CSMD1: variants seen among roughly 807,000 people sequenced by gnomAD.
The protein encoded by CSMD1 is CUB and sushi domain-containing protein 1.
A neutral mutation model predicts 417.5 loss-of-function variants in CSMD1; 213 were observed. The observed-to-expected ratio is 0.51, with a 90% CI of 0.46 to 0.57. The LOEUF (loss-of-function observed/expected upper bound fraction) is 0.57, where lower values mean the gene tolerates loss of function less well. Among genes scored for constraint, CSMD1 ranks in the 20% least tolerant of loss-of-function variants. The probability of loss-of-function intolerance (pLI) is 0.00; values close to 1 mark genes in which losing one functional copy is unlikely to be tolerated. For missense variants in CSMD1, 6,923 were observed against 4,529.7 expected (o/e 1.53, Z -15.17); for synonymous variants, 2,862 against 1,736.8 (o/e 1.65, Z -16.11).
intron 1 of CSMD1, among the ~76,000 whole-genome samples, chr8:4,684,379 C>G (rs981544869): frequency 3.9e-5 from 6 of 152,196 alleles, no homozygotes; most frequent in Admixed American, 3.3e-4. Context: ...TATGAAGAAA[C>G]TTACTCATCA....
At chr8:4,027,966 T>A (rs902018151) in intron 4 of CSMD1, among the ~76,000 whole-genome samples, 1 of 152,158 alleles carries the variant, frequency 6.6e-6, no homozygotes, top group Non-Finnish European at 1.5e-5. Context: ...ATATTTAGGA[T>A]GCCCAATGGC....
At chr8:4,122,621 G>A (rs62503581) in intron 3 of CSMD1, among the ~76,000 whole-genome samples, 173 of 152,254 alleles carry the variant, frequency 1.1e-3, no homozygotes, top group Non-Finnish European at 1.8e-3. Context: ...AGATGGAGGT[G>A]ATAAGCCTCC....
In CSMD1 at chr8:4,266,602, A is replaced by G. The variant is rs1368668261; in HGVS notation, c.415+153351T>C. 3.8e-5 allele frequency among the ~76,000 whole-genome samples: 4 copies of G among 105,032 alleles called. 1 individual carries two copies. The highest frequency in any genetic ancestry group is 1.0e-4 in the Non-Finnish European group (4 of 38,948). 68.9% of individuals were successfully genotyped at this position (105,032 alleles called of 152,430 possible). A position where few individuals can be genotyped will look rare whatever the true frequency, so the allele number is the denominator to read the frequency against. ...TACACCATACAGGTATGTCCCCACT[A>G]ATGGCGTAAAGTGACCTGTCCTGCA... On this transcript the variant is annotated intron_variant, in intron 3 of 69. Coordinates refer to ENST00000635120, the MANE Select transcript of CSMD1 (RefSeq NM_033225.6).
At chr8:4,261,473 TG>T (rs1803876996) in intron 3 of CSMD1, among the ~76,000 whole-genome samples, 1 of 152,208 alleles carries the variant, frequency 6.6e-6, no homozygotes, top group Admixed American at 6.6e-5. Flanking sequence ...GCATCAGCCC[TG>T]GGATCTAATG....
intron 7 of CSMD1, among the ~76,000 whole-genome samples, chr8:3,631,877 A>G (rs1796800748): frequency 6.6e-6 from 1 of 152,172 alleles, no homozygotes; most frequent in Non-Finnish European, 1.5e-5. Context: ...TGGTCCAAAG[A>G]TAACCTGACT....
intron 50 of CSMD1, among the ~76,000 whole-genome samples, chr8:3,046,681 C>G (rs1455239822): frequency 6.6e-6 from 1 of 152,112 alleles, no homozygotes; most frequent in Non-Finnish European, 1.5e-5. Context: ...CCCAAAGCAC[C>G]GGTGTCTAAT....
chr8:4,852,471 A>T (rs939973668), intron 1 of CSMD1, among the ~76,000 whole-genome samples: 1 of 152,074 alleles, frequency 6.6e-6, no homozygotes, highest in Non-Finnish European at 1.5e-5. Context: ...ATGAGGCCTC[A>T]CCAGTTGAGG....
rs536781628 is a variant in CSMD1 at position 2,943,924 on chromosome 8, CA to C, written c.10403-1321del. On this transcript the variant is annotated intron_variant, in intron 68 of 69. Coordinates refer to ENST00000635120, the MANE Select transcript of CSMD1 (RefSeq NM_033225.6). ...TTTATTGTTTTATAAACCAGAAATG[CA>C]AAAAATCAATCAAATATTAAAAATC... Among the ~76,000 whole-genome samples, 703 of 152,112 alleles carry C rather than the reference CA, an allele frequency of 4.6e-3. 7 individuals carry two copies. The highest frequency in any genetic ancestry group is 0.034 in the Middle Eastern group (10 of 294).
At chr8:3,690,086 T>C (rs1179790369) in intron 7 of CSMD1, among the ~76,000 whole-genome samples, 1 of 152,152 alleles carries the variant, frequency 6.6e-6, no homozygotes, top group Non-Finnish European at 1.5e-5. Flanking sequence ...AGGCTGCGCG[T>C]AGTGGCCAAC....
At chr8:4,425,363 ATTC>A (rs1797487424) in intron 2 of CSMD1, among the ~76,000 whole-genome samples, 1 of 139,112 alleles carries the variant, frequency 7.2e-6, no homozygotes, top group African/African-American at 2.8e-5. Flanking sequence ...AAATGGATTC[ATTC>A]TTATTTGTGT....
intron 5 of CSMD1, among the ~76,000 whole-genome samples, chr8:3,990,665 T>C (rs943745889): frequency 8.5e-5 from 13 of 152,234 alleles, no homozygotes; most frequent in African/African-American, 2.7e-4. Context: ...TGCTCTAGAA[T>C]GCTATTTCTA....
intron 3 of CSMD1, among the ~76,000 whole-genome samples, chr8:4,246,042 T>C (rs1331275393): frequency 1.3e-5 from 2 of 152,182 alleles, no homozygotes; most frequent in African/African-American, 4.8e-5. Flanking sequence ...TTTTTAACTT[T>C]TAAGTTTAGT....
At position 3,246,058 on chromosome 8, in the gene CSMD1, C is replaced by T. The variant is rs190802145; in HGVS notation, c.4154-15827G>A. Reference sequence around the variant, plus strand: ...CTTGCCCGAACTTCCTTCTTGTCTACCCCCAGTGCAATCCATTCTCTGCAC... The same window carrying T: ...CTTGCCCGAACTTCCTTCTTGTCTATCCCCAGTGCAATCCATTCTCTGCAC... On this transcript the variant is annotated intron_variant, in intron 26 of 69. Transcript: ENST00000635120. Among the ~76,000 whole-genome samples the T allele has an allele frequency of 9.9e-5, 15 of 152,206 alleles. No homozygotes were observed. The East Asian group carries it at 2.9e-3, about 29-fold the overall frequency.
At chr8:4,377,162 G>A (rs968294082) in intron 3 of CSMD1, among the ~76,000 whole-genome samples, 1 of 152,088 alleles carries the variant, frequency 6.6e-6, no homozygotes, top group Non-Finnish European at 1.5e-5. Flanking sequence ...TTAAACAGTG[G>A]GATTATAGTG....
chr8:3,061,244 A>G (rs1812570336), intron 49 of CSMD1, among the ~76,000 whole-genome samples: 1 of 152,180 alleles, frequency 6.6e-6, no homozygotes, highest in East Asian at 1.9e-4. Context: ...TGACAGATGT[A>G]CAGTTTACAA....
chr8:4,955,775 GTTAGGTGGTGGCGTAACAGTACCTTCAAA>G (rs1332471419), intron 1 of CSMD1, among the ~76,000 whole-genome samples: 2 of 151,758 alleles, frequency 1.3e-5, no homozygotes, highest in Non-Finnish European at 2.9e-5. Flanking sequence ...CAAACTGCAT[GTTAGGTGGTGGCGTAACAGTACCTTCAAA>G]TTGGCCAACA....
At chr8:4,127,902 T>G (rs1802860691) in intron 3 of CSMD1, among the ~76,000 whole-genome samples, 1 of 152,162 alleles carries the variant, frequency 6.6e-6, no homozygotes, top group African/African-American at 2.4e-5. Context: ...AGAATTAAAT[T>G]CAGGTACTCT....
intron 3 of CSMD1, among the ~76,000 whole-genome samples, chr8:4,259,703 C>A (rs1045634542): frequency 6.6e-6 from 1 of 152,050 alleles, no homozygotes; most frequent in Non-Finnish European, 1.5e-5. Flanking sequence ...ATCATGTACA[C>A]ATTTCAATAA....
intron 3 of CSMD1, among the ~76,000 whole-genome samples, chr8:4,123,282 T>C (rs1292748371): frequency 6.6e-6 from 1 of 152,200 alleles, no homozygotes; most frequent in African/African-American, 2.4e-5. Context: ...TAGAATATAT[T>C]AGGTCAACAA....
Sources: allele counts gnomAD v4.1 joint callset (sites outside exome capture counted in the v4.1 genomes callset), GRCh38; gene constraint gnomAD v4.1.1; transcripts MANE v1.5; gene names NCBI Gene and HGNC (gene_info 2026-07-23, HGNC 2026-07-21).